BMPR1B: variants seen among roughly 807,000 people sequenced by gnomAD.
BMPR1B encodes bone morphogenetic protein receptor type-1B.
BMPR1B carries 12 observed loss-of-function variants against 59.1 expected under a neutral mutation model. The ratio of observed to expected loss-of-function variants is 0.20; its 90% CI spans 0.13 to 0.33. BMPR1B has a LOEUF of 0.33. Ranked by LOEUF, BMPR1B falls within the 10% of genes least tolerant of loss-of-function variation. The probability of loss-of-function intolerance (pLI) is 1.00; values close to 1 mark genes in which losing one functional copy is unlikely to be tolerated. For synonymous variants in BMPR1B, 237 were observed against 207.3 expected (o/e 1.14, Z -1.23); for missense variants, 550 against 610.9 (o/e 0.90, Z 1.05).
chr4:95,064,423 G>T (rs1456419024), intron 3 of BMPR1B, among the ~76,000 whole-genome samples: 2 of 152,108 alleles, frequency 1.3e-5, no homozygotes, highest in Admixed American at 6.6e-5. Flanking sequence ...ATGCACAGTT[G>T]TGGGCTCCTT....
chr4:95,056,556 C>T (rs984663461), intron 3 of BMPR1B, among the ~76,000 whole-genome samples: 7 of 152,192 alleles, frequency 4.6e-5, no homozygotes, highest in Admixed American at 3.3e-4. Flanking sequence ...CGGAACATCT[C>T]CTTGTCTATG....
intron 1 of BMPR1B, among the ~76,000 whole-genome samples, chr4:94,864,572 C>A (rs1481705893): frequency 1.3e-5 from 2 of 151,972 alleles, no homozygotes; most frequent in Non-Finnish European, 2.9e-5. Flanking sequence ...TGATAAGGGC[C>A]AAGTACTTAT....
intron 1 of BMPR1B, among the ~76,000 whole-genome samples, chr4:94,825,005 A>G (rs1253486838): frequency 2.0e-5 from 3 of 152,218 alleles, no homozygotes; most frequent in African/African-American, 7.2e-5. Flanking sequence ...CTTACTTGAA[A>G]AAGAAGGACG....
intron 1 of BMPR1B, among the ~76,000 whole-genome samples, chr4:94,781,291 C>T (rs143451958): frequency 7.3e-4 from 111 of 152,240 alleles, no homozygotes; most frequent in African/African-American, 2.2e-3. Context: ...TTTTCACTTT[C>T]CAGATGGTGT....
intron 1 of BMPR1B, among the ~76,000 whole-genome samples, chr4:94,805,934 A>G (rs1366604007): frequency 2.6e-5 from 4 of 152,192 alleles, no homozygotes; most frequent in African/African-American, 4.8e-5. Context: ...AGTAATAACA[A>G]TATTACAGGA....
At chr4:94,991,027 C>T (rs1479721582) in intron 2 of BMPR1B, among the ~76,000 whole-genome samples, 3 of 152,094 alleles carry the variant, frequency 2.0e-5, no homozygotes, top group African/African-American at 7.2e-5. Flanking sequence ...TTAAATTGTG[C>T]ATTTCAGTGG....
At chr4:94,923,893 T>G (rs749259296) in intron 2 of BMPR1B, among the ~76,000 whole-genome samples, 3 of 152,164 alleles carry the variant, frequency 2.0e-5, no homozygotes, top group Non-Finnish European at 4.4e-5. Flanking sequence ...ACACTTGGAC[T>G]GGGTCTTAGG....
At chr4:95,084,027 T>C (rs1389875867) in intron 3 of BMPR1B, among the ~76,000 whole-genome samples, 2 of 152,074 alleles carry the variant, frequency 1.3e-5, no homozygotes, top group Non-Finnish European at 2.9e-5. Context: ...TATAGTAAAG[T>C]CTTGTTTCAG....
intron 2 of BMPR1B, among the ~76,000 whole-genome samples, chr4:94,929,797 T>A (rs546923869): frequency 6.6e-6 from 1 of 152,016 alleles, no homozygotes; most frequent in African/African-American, 2.4e-5. Flanking sequence ...TCTGCACGTC[T>A]CCACTTGGAA....
chr4:94,787,388 C>T (rs4552469), intron 1 of BMPR1B, among the ~76,000 whole-genome samples: 84,218 of 151,986 alleles, frequency 0.55, 23,508 homozygotes, highest in Middle Eastern at 0.7. Flanking sequence ...ATGGCATCTC[C>T]GGTTCTCCCC....
intron 2 of BMPR1B, among the ~76,000 whole-genome samples, chr4:94,896,128 A>G (rs1381227107): frequency 1.3e-5 from 2 of 152,004 alleles, no homozygotes; most frequent in Non-Finnish European, 2.9e-5. Context: ...GTAAAAATAT[A>G]TCTTTGCTAA....
At position 94,837,666 on chromosome 4, in the gene BMPR1B, A is replaced by T. The variant is rs1437345089; in HGVS notation, c.-182-38165A>T. Among the ~76,000 whole-genome samples the T allele has an allele frequency of 2.1e-4, 28 of 131,210 alleles. 1 individual carries two copies. The highest frequency in any genetic ancestry group is 4.4e-4 in the Admixed American group (6 of 13,666). 86.1% of individuals were successfully genotyped at this position (131,210 alleles called of 152,430 possible). A position where few individuals can be genotyped will look rare whatever the true frequency, so the allele number is the denominator to read the frequency against. On this transcript the variant is annotated intron_variant, in intron 1 of 12. Coordinates refer to ENST00000515059, the MANE Select transcript of BMPR1B (RefSeq NM_001203.3). ...GCTTAAGGAGATTTTGGGCTGAGACAGTGGGGTTTTCTAGATATACAATCA... is the reference window on the plus strand; with the variant it reads ...GCTTAAGGAGATTTTGGGCTGAGACTGTGGGGTTTTCTAGATATACAATCA...
chr4:94,798,151 T>C (rs1723266177), intron 1 of BMPR1B, among the ~76,000 whole-genome samples: 1 of 152,222 alleles, frequency 6.6e-6, no homozygotes, highest in South Asian at 2.1e-4. Flanking sequence ...GTGGTAGAGG[T>C]AAGATTTAAA....
At chr4:94,943,150 T>C (rs1406152773) in intron 2 of BMPR1B, among the ~76,000 whole-genome samples, 8 of 152,098 alleles carry the variant, frequency 5.3e-5, no homozygotes, top group Non-Finnish European at 8.8e-5. Flanking sequence ...ACTATTTTTT[T>C]TTTTTTTTGA....
At chr4:95,051,984 A>C (rs927377143) in intron 3 of BMPR1B, among the ~76,000 whole-genome samples, 1 of 152,248 alleles carries the variant, frequency 6.6e-6, no homozygotes, top group Non-Finnish European at 1.5e-5. Context: ...AAAGAGACTT[A>C]ACATTTCTAT....
intron 1 of BMPR1B, among the ~76,000 whole-genome samples, chr4:94,823,300 C>T (rs1279198221): frequency 6.6e-6 from 1 of 152,020 alleles, no homozygotes; most frequent in Non-Finnish European, 1.5e-5. Flanking sequence ...GAGAAGGGCT[C>T]CTTTGCTTTT....
At chr4:94,861,434 AT>A (rs1398060800) in intron 1 of BMPR1B, among the ~76,000 whole-genome samples, 2 of 152,252 alleles carry the variant, frequency 1.3e-5, no homozygotes, top group South Asian at 2.1e-4. Context: ...TGATGTTTGT[AT>A]TTGGCCAAGA....
At chr4:94,849,044 T>A (rs1213126833) in intron 1 of BMPR1B, among the ~76,000 whole-genome samples, 2 of 152,180 alleles carry the variant, frequency 1.3e-5, no homozygotes, top group Non-Finnish European at 2.9e-5. Flanking sequence ...TGGCTCCAGA[T>A]AAAAGTTTGA....
intron 9 of BMPR1B, 46 bp downstream of exon 9, chr4:95,130,100 C>T (rs754556364): frequency 6.3e-7 from 1 of 1,591,058 alleles, no homozygotes. Flanking sequence ...CCTAGCTTTC[C>T]TCTGTCTTTC....
Sources: gnomAD v4.1 joint callset for allele counts (sites outside exome capture counted in the v4.1 genomes callset) on GRCh38, gnomAD v4.1.1 for gene constraint, MANE v1.5 for transcripts, NCBI Gene and HGNC (gene_info 2026-07-23, HGNC 2026-07-21) for gene names.